Variants in SENP1 observed in about 807,000 individuals in gnomAD.
The protein encoded by SENP1 is sentrin-specific protease 1.
In SENP1, 21 loss-of-function variants were observed where a neutral mutation model predicts 93.0. That is an observed-to-expected ratio of 0.23 (90% confidence interval 0.16 to 0.33). SENP1 has a LOEUF of 0.33. Among genes scored for constraint, SENP1 ranks in the 10% least tolerant of loss-of-function variants. SENP1 has a pLI of 1.00. For missense variants in SENP1, 591 were observed against 758.7 expected, an observed-to-expected ratio of 0.78 and a Z score of 2.60; for synonymous variants, 256 against 259.6, an observed-to-expected ratio of 0.99 and a Z score of 0.13.
At chr12:48,073,059 C>T (rs1169685912) in intron 8 of SENP1, among the ~76,000 whole-genome samples, 1 of 152,070 alleles carries the variant, frequency 6.6e-6, no homozygotes, top group Non-Finnish European at 1.5e-5. Context: ...CTAAAAAGTA[C>T]AAATTTTATC....
At chr12:48,093,010 A>C (rs928535108) in intron 4 of SENP1, among the ~76,000 whole-genome samples, 1 of 152,204 alleles carries the variant, frequency 6.6e-6, no homozygotes, top group African/African-American at 2.4e-5. Context: ...GAAAATAATG[A>C]AGCAAATGAA....
At chr12:48,049,222 T>G in intron 13 of SENP1, 90 bp from the exon 14 acceptor site, 1 of 918,508 alleles carries the variant, frequency 1.1e-6, no homozygotes, top group Non-Finnish European at 1.7e-6. Context: ...GCATATGTAA[T>G]TGTTTCCTAA....
At chr12:48,091,590 G>A (rs1191106406) in intron 4 of SENP1, among the ~76,000 whole-genome samples, 6 of 152,136 alleles carry the variant, frequency 3.9e-5, no homozygotes, top group Admixed American at 6.5e-5. Flanking sequence ...GTAACCTAAT[G>A]TAACATATTT....
intron 13 of SENP1, among the ~76,000 whole-genome samples, chr12:48,053,829 C>T (rs941117870): frequency 6.6e-6 from 1 of 152,184 alleles, no homozygotes; most frequent in African/African-American, 2.4e-5. Context: ...CCTCATTGGC[C>T]TTTCACTAGC....
chr12:48,047,102 C>T, intron 15 of SENP1, 40 bp from the exon 16 acceptor site: 5 of 1,260,166 alleles, frequency 4.0e-6, no homozygotes, highest in Non-Finnish European at 5.8e-6. Context: ...CAGTGGGGAA[C>T]ATCGATGACA....
chr12:48,061,235 A>C (rs1309661871), intron 13 of SENP1, among the ~76,000 whole-genome samples: 2 of 152,230 alleles, frequency 1.3e-5, no homozygotes, highest in African/African-American at 4.8e-5. Context: ...GATAAGAACA[A>C]TGTATCAGTC....
At chr12:48,091,012 A>G (rs1272119704) in intron 4 of SENP1, among the ~76,000 whole-genome samples, 1 of 152,240 alleles carries the variant, frequency 6.6e-6, no homozygotes, top group Non-Finnish European at 1.5e-5. Flanking sequence ...ATACATACAC[A>G]CAAAACTAGG....
chr12:48,065,446 C>T (rs1943236120), intron 11 of SENP1, 150 bp downstream of exon 11: 1 of 641,562 alleles, frequency 1.6e-6, no homozygotes, highest in Admixed American at 2.8e-5. Context: ...CTGGACAGAC[C>T]AAGAACATTT....
chr12:48,101,052 G>A (rs747830857), intron 2 of SENP1, among the ~76,000 whole-genome samples: 1 of 152,176 alleles, frequency 6.6e-6, no homozygotes, highest in Non-Finnish European at 1.5e-5. Context: ...TTGAGAGGCT[G>A]AGGTGGGCCG....
intron 4 of SENP1, chr12:48,089,347 T>A: frequency 7.6e-7 from 1 of 1,320,766 alleles, no homozygotes. Flanking sequence ...CCAGTGAGAA[T>A]TGTAATTCAA....
At chr12:48,086,493 T>C (rs758507358) in intron 5 of SENP1, among the ~76,000 whole-genome samples, 4 of 152,188 alleles carry the variant, frequency 2.6e-5, no homozygotes, top group Non-Finnish European at 4.4e-5. Flanking sequence ...AAAACCTAAC[T>C]GTACAATTAA....
chr12:48,087,736 T>C (rs11168401), intron 5 of SENP1, among the ~76,000 whole-genome samples: 25,342 of 152,114 alleles, frequency 0.17, 2,441 homozygotes, highest in East Asian at 0.28. Flanking sequence ...CCAGGGAGTA[T>C]TGACACATTC....
chr12:48,103,837 G>T (rs537439340), intron 1 of SENP1, among the ~76,000 whole-genome samples: 1 of 152,096 alleles, frequency 6.6e-6, no homozygotes, highest in Non-Finnish European at 1.5e-5. Flanking sequence ...TGACAACTGC[G>T]GTGAAACACT....
intron 3 of SENP1, among the ~76,000 whole-genome samples, 194 bp from the exon 4 acceptor site, chr12:48,096,621 A>G (rs1008070700): frequency 2.6e-5 from 4 of 152,042 alleles, no homozygotes; most frequent in Non-Finnish European, 5.9e-5. Context: ...ACACCTGGCT[A>G]ATTTTTGTAT....
intron 5 of SENP1, chr12:48,085,256 C>T: frequency 6.4e-7 from 1 of 1,553,682 alleles, no homozygotes; most frequent in Non-Finnish European, 8.9e-7. Flanking sequence ...GCATCATCCT[C>T]ATCAACCAGT....
chr12:48,074,539 G>A lies in SENP1; in HGVS notation c.725C>T (p.Ala242Val). The A allele has an allele frequency of 6.2e-7, 1 of 1,613,516 alleles. No individual in the cohort carries two copies. The highest frequency in any genetic ancestry group is 8.5e-7 in the Non-Finnish European group (1 of 1,179,488). The change falls in exon 8 of 18, where the codon GCA becomes GTA. Residue 242 changes from alanine (A) to valine (V), a missense_variant. Physicochemically the swap from Ala to Val is moderately conservative, Grantham distance 64. Transcript: ENST00000549518. ...DSLFKNGNSC[A>V]SQIIGSDTSS... ...AGTATCAGAGCCAATGATCTGAGAT[G>A]CACAAGAGTTTCCATTTTTAAACAG...
At chr12:48,089,386 G>C in intron 4 of SENP1, 1 of 1,201,008 alleles carries the variant, frequency 8.3e-7, no homozygotes, top group Admixed American at 3.0e-5. Flanking sequence ...TTACTAAGCA[G>C]CTAGTGTCAC....
At position 48,088,868 on chromosome 12, in the gene SENP1, A is replaced by G. The variant is rs768213305; in HGVS notation, c.313T>C (p.Ser105Pro). ...CTTGATTTTTGTAAAGATGAGCTTG[A>G]CGATGGGGTAGAATTTCTCCATTGG... The part of the protein sequence containing the change: ...NGQWRNSTPS[S>P]SSSLQKSRNS... Residue 105 changes from serine (S) to proline (P), a missense_variant, in exon 5 of 18, where the codon TCA becomes CCA. This residue lies in a region of SENP1 where 214 missense variants were observed against 243.4 expected (regional missense o/e 0.88). Transcript: ENST00000549518. 1.2e-6 allele frequency: 2 copies of G among 1,605,646 alleles called. No homozygotes were observed. Among genetic ancestry groups the G allele is most frequent in the Non-Finnish European group, 1.7e-6 (2 of 1,175,630 alleles).
chr12:48,057,985 T>C (rs1391638679), intron 13 of SENP1, among the ~76,000 whole-genome samples: 1 of 128,830 alleles, frequency 7.8e-6, no homozygotes, highest in Non-Finnish European at 1.6e-5. Context: ...CTCGCTCCAT[T>C]GCCCAGGCTG....
Sources: allele counts gnomAD v4.1 joint callset (sites outside exome capture counted in the v4.1 genomes callset), GRCh38; gene constraint gnomAD v4.1.1; regional missense constraint gnomAD v4.1.1; transcripts MANE v1.5; gene names NCBI Gene and HGNC (gene_info 2026-07-23, HGNC 2026-07-21).